Variants in ZNF44 observed in about 807,000 individuals in gnomAD.
The protein encoded by ZNF44 is zinc finger protein 44.
In ZNF44, 9 loss-of-function variants were observed where a neutral mutation model predicts 11.7. That is an observed-to-expected ratio of 0.77 (90% CI 0.46 to 1.35). The LOEUF is 1.35. Ranked by LOEUF, ZNF44 falls within the 40% of genes most tolerant of loss-of-function variation. The pLI, the probability that ZNF44 is intolerant of heterozygous loss-of-function variation, is 0.00. For missense variants in ZNF44, 696 were observed against 743.1 expected (o/e 0.94, Z 0.74); for synonymous variants, 224 against 242.7 (o/e 0.92, Z 0.72).
At chr19:12,283,883 C>T (rs1173192463) in intron 1 of ZNF44, among the ~76,000 whole-genome samples, 1 of 152,176 alleles carries the variant, frequency 6.6e-6, no homozygotes, top group African/African-American at 2.4e-5. Context: ...TGTGGTGGCA[C>T]ATGCCTATAG....
intron 7 of ZNF44, among the ~76,000 whole-genome samples, chr19:12,249,573 A>G (rs977301619): frequency 1.2e-4 from 18 of 151,450 alleles, no homozygotes; most frequent in African/African-American, 3.9e-4. Flanking sequence ...TTTTCCCGAG[A>G]TGGAGCTTCA....
At chr19:12,247,252 C>G, downstream of ZNF44, 2 of 1,167,758 alleles carry the variant, frequency 1.7e-6, no homozygotes, top group Non-Finnish European at 2.2e-6. Flanking sequence ...AATTGAAAAA[C>G]TTTCGATATT....
At chr19:12,265,381 TCAAA>T (rs145931845) in intron 5 of ZNF44, among the ~76,000 whole-genome samples, 6,228 of 152,106 alleles carry the variant, frequency 0.041, 407 homozygotes, top group African/African-American at 0.14. Context: ...AGACACTGTC[TCAAA>T]CAAACAAACA....
chr19:12,288,180 T>C (rs1967842785), intron 1 of ZNF44, among the ~76,000 whole-genome samples: 1 of 152,188 alleles, frequency 6.6e-6, no homozygotes, highest in Non-Finnish European at 1.5e-5. Context: ...GGGACCACCC[T>C]TTTAACCAAA....
downstream of ZNF44, chr19:12,247,198 T>TC (rs1475465251): frequency 4.9e-6 from 4 of 820,610 alleles, no homozygotes; most frequent in East Asian, 2.0e-4. Context: ...TTCATGCAAC[T>TC]ACCCTCCAGT....
chr19:12,270,713 A>G (rs1424278827), downstream of ZNF44, among the ~76,000 whole-genome samples: 3 of 152,136 alleles, frequency 2.0e-5, no homozygotes, highest in Admixed American at 6.6e-5. Flanking sequence ...TCAGCCTCCT[A>G]AAGTGCTAGG....
chr19:12,270,486 C>T (rs750732354), downstream of ZNF44, among the ~76,000 whole-genome samples: 1 of 151,682 alleles, frequency 6.6e-6, no homozygotes, highest in African/African-American at 2.4e-5. Context: ...GAGTCTCACT[C>T]TGTCACCCAG....
chr19:12,275,858 C>A, intron 2 of ZNF44, 98 bp downstream of exon 2: 3 of 1,411,704 alleles, frequency 2.1e-6, no homozygotes, highest in Non-Finnish European at 1.9e-6. Flanking sequence ...CAGGAATGAA[C>A]TGTATCCCTT....
At chr19:12,267,113 C>T (rs935093193), downstream of ZNF44, among the ~76,000 whole-genome samples, 5 of 150,012 alleles carry the variant, frequency 3.3e-5, no homozygotes, top group African/African-American at 1.2e-4. Flanking sequence ...GGCATGATCT[C>T]GGGTCACTGC....
At chr19:12,264,659 CATT>C (rs370978826) in intron 5 of ZNF44, among the ~76,000 whole-genome samples, 2 of 152,138 alleles carry the variant, frequency 1.3e-5, no homozygotes, top group South Asian at 2.1e-4. Flanking sequence ...AAACTATAAT[CATT>C]AGTCAAACTA....
At chr19:12,232,362 C>G (rs1916199247) in intron 2 of ZNF44, among the ~76,000 whole-genome samples, 1 of 152,190 alleles carries the variant, frequency 6.6e-6, no homozygotes, top group Non-Finnish European at 1.5e-5. Flanking sequence ...CTCCTCAGCA[C>G]AGACCCTTTA....
downstream of ZNF44, chr19:12,242,833 G>C (rs2145685120): frequency 6.6e-6 from 1 of 152,032 alleles, no homozygotes; most frequent in Non-Finnish European, 1.5e-5. Context: ...CTGGGTGACA[G>C]GGAGACCCTG....
intron 1 of ZNF44, among the ~76,000 whole-genome samples, chr19:12,283,520 G>A (rs918578532): frequency 2.6e-5 from 4 of 152,032 alleles, no homozygotes; most frequent in African/African-American, 7.2e-5. Flanking sequence ...TAGTAGAGAC[G>A]GGGTTTCACC....
chr19:12,248,160 C>CGAA (rs1568427011), exon 8 of ZNF44: 1 of 1,301,680 alleles, frequency 7.7e-7, no homozygotes, highest in East Asian at 5.4e-5. Context: ...AGCAGAATGG[C>CGAA]GGTAAATGAA....
At chr19:12,225,196 G>GGGTT (rs1915864569), downstream of ZNF44, 1 of 152,368 alleles carries the variant, frequency 6.6e-6, no homozygotes, top group South Asian at 2.1e-4. Flanking sequence ...CTCTGGTATC[G>GGGTT]GGTTGGTAGG....
intron 5 of ZNF44, among the ~76,000 whole-genome samples, chr19:12,262,814 A>G (rs1309055728): frequency 6.6e-6 from 1 of 152,192 alleles, no homozygotes; most frequent in Non-Finnish European, 1.5e-5. Flanking sequence ...ACACACTCAC[A>G]TGTATAAATT....
chr19:12,292,746 C>A (rs2145775707), intron 1 of ZNF44, among the ~76,000 whole-genome samples: 1 of 151,652 alleles, frequency 6.6e-6, no homozygotes, highest in East Asian at 1.9e-4. Flanking sequence ...AGGCAGAAAT[C>A]ATTTGTCTTG....
At chr19:12,263,099 T>C (rs1435236567) in intron 5 of ZNF44, among the ~76,000 whole-genome samples, 2 of 151,666 alleles carry the variant, frequency 1.3e-5, no homozygotes, top group Non-Finnish European at 1.5e-5. Flanking sequence ...TTTTTTTTTT[T>C]CCGGAGACGG....
chr19:12,270,403 C>T (rs1732015637), downstream of ZNF44, among the ~76,000 whole-genome samples: 1 of 151,670 alleles, frequency 6.6e-6, no homozygotes, highest in African/African-American at 2.4e-5. Flanking sequence ...GCCACAGCCA[C>T]TTGGTCAAGG....
Sources: gnomAD v4.1 joint callset for allele counts (sites outside exome capture counted in the v4.1 genomes callset) on GRCh38, gnomAD v4.1.1 for gene constraint, MANE v1.5 for transcripts, NCBI Gene and HGNC (gene_info 2026-07-23, HGNC 2026-07-21) for gene names.